Variants in FSTL4 observed in about 807,000 individuals in gnomAD.
FSTL4 encodes follistatin like 4.
In FSTL4, 28 loss-of-function variants were observed where a neutral mutation model predicts 78.2. The observed-to-expected ratio is 0.36, with a 90% CI of 0.27 to 0.49. The LOEUF (loss-of-function observed/expected upper bound fraction) is 0.49, where lower values mean the gene tolerates loss of function less well. FSTL4 is among the 20% of genes least tolerant of loss of function. The probability of loss-of-function intolerance (pLI) is 0.98; values close to 1 mark genes in which losing one functional copy is unlikely to be tolerated. For synonymous variants in FSTL4, 422 were observed against 440.5 expected (o/e 0.96, Z 0.53); for missense variants, 922 against 1,084.9 (o/e 0.85, Z 2.11).
In FSTL4 at chr5:133,246,173, A is replaced by G. The variant is rs79153925; in HGVS notation, c.894+3237T>C. Among the ~76,000 whole-genome samples the G allele has an allele frequency of 5.6e-3, 848 of 152,272 alleles. 9 individuals carry two copies. The highest frequency in any genetic ancestry group is 0.019 in the African/African-American group (810 of 41,562). ...CGTGCAGCCGTGTTTGGGAGTCACC[A>G]CTGATTACAATGCCGGTGATCGTAT... On this transcript the variant is annotated intron_variant, in intron 7 of 15. Transcript: ENST00000265342.
the FSTL4 span, among the ~76,000 whole-genome samples, chr5:133,663,557 A>G: frequency 5.3e-5 from 8 of 152,330 alleles, no homozygotes; most frequent in South Asian, 8.3e-4. Context: ...CCTCATCTAC[A>G]TTACTGACAG....
At chr5:133,296,929 G>A (rs917513017) in intron 6 of FSTL4, among the ~76,000 whole-genome samples, 2 of 152,178 alleles carry the variant, frequency 1.3e-5, no homozygotes, top group African/African-American at 2.4e-5. Context: ...CTGCAGGCCT[G>A]CCTTGGGGGC....
rs140519599 is a variant in FSTL4, at chr5:133,554,267, G to C, written c.160+12919C>G. Among the ~76,000 whole-genome samples, 788 of 152,272 alleles carry C rather than the reference G, an allele frequency of 5.2e-3. 11 individuals are homozygous for C. Among genetic ancestry groups the C allele is most frequent in the African/African-American group, 0.018 (744 of 41,552 alleles). ...TCCAGACAGAGAGCCTGGGGAGATG[G>C]GGGGGAGGTGCCTGGACCACAGTGG... On this transcript the variant is annotated intron_variant, in intron 3 of 15. Coordinates refer to ENST00000265342, the MANE Select transcript of FSTL4 (RefSeq NM_015082.2).
chr5:133,310,490 G>T (rs1753754306), intron 6 of FSTL4, among the ~76,000 whole-genome samples: 6 of 152,170 alleles, frequency 3.9e-5, no homozygotes. Context: ...ATAGGCAATA[G>T]GGATGCTTCC....
At chr5:133,554,422 A>G (rs1435491254) in intron 3 of FSTL4, among the ~76,000 whole-genome samples, 1 of 152,190 alleles carries the variant, frequency 6.6e-6, no homozygotes, top group Admixed American at 6.5e-5. Context: ...TCAGCAATGG[A>G]TGAGCATTGA....
At chr5:133,278,786 T>C (rs1276567783) in intron 6 of FSTL4, among the ~76,000 whole-genome samples, 1 of 152,238 alleles carries the variant, frequency 6.6e-6, no homozygotes, top group Non-Finnish European at 1.5e-5. Context: ...CTCACAGCTA[T>C]GCAGGGGCAT....
intron 13 of FSTL4, among the ~76,000 whole-genome samples, chr5:133,212,859 G>A (rs1468034496): frequency 1.3e-5 from 2 of 151,734 alleles, no homozygotes; most frequent in Non-Finnish European, 2.9e-5. Context: ...AGAAAAATCT[G>A]GAAAGTAGAG....
At chr5:133,243,496 C>T (rs530220522) in intron 7 of FSTL4, among the ~76,000 whole-genome samples, 4 of 152,344 alleles carry the variant, frequency 2.6e-5, no homozygotes, top group African/African-American at 7.2e-5. Context: ...CAATTTGATA[C>T]ATTCCACTGG....
Position 133,574,769 on chromosome 5 carries a change from T to A in FSTL4, c.127-7550A>T, listed in dbSNP as rs1051691846. 6 of 152,334 alleles carry A rather than the reference T, an allele frequency of 3.9e-5. No homozygotes were observed. The East Asian group carries it at 1.2e-3, about 29-fold the overall frequency. 9.4% of individuals were successfully genotyped at this position (152,334 alleles called of 1,614,324 possible). On this transcript the variant is annotated intron_variant, in intron 2 of 15. Coordinates refer to ENST00000265342, the MANE Select transcript of FSTL4 (RefSeq NM_015082.2). ...GCAAAAGAAAAAACTCTGCAACATG[T>A]GATAATGTAGCTGAATCTCATTGTC...
At chr5:133,693,761 G>A in the FSTL4 span, among the ~76,000 whole-genome samples, 1 of 152,208 alleles carries the variant, frequency 6.6e-6, no homozygotes, top group Non-Finnish European at 1.5e-5. Context: ...GGCTGCATCT[G>A]GTGTAAGTCT....
the FSTL4 span, among the ~76,000 whole-genome samples, chr5:133,637,356 C>A: frequency 6.6e-6 from 1 of 152,082 alleles, no homozygotes; most frequent in African/African-American, 2.4e-5. Flanking sequence ...GGCAAATTTT[C>A]AGTCCTCATC....
the FSTL4 span, among the ~76,000 whole-genome samples, chr5:133,651,106 T>C: frequency 1.3e-5 from 2 of 152,224 alleles, no homozygotes; most frequent in African/African-American, 4.8e-5. Context: ...TGTGATATAA[T>C]TGCATATTAG....
chr5:133,687,444 G>A, the FSTL4 span, among the ~76,000 whole-genome samples: 8 of 152,086 alleles, frequency 5.3e-5, no homozygotes, highest in Non-Finnish European at 1.2e-4. Context: ...TTTCAATCCC[G>A]CAAGAGGTGA....
At chr5:133,545,065 C>A (rs1759547648) in intron 3 of FSTL4, among the ~76,000 whole-genome samples, 1 of 152,076 alleles carries the variant, frequency 6.6e-6, no homozygotes, top group Admixed American at 6.6e-5. Context: ...TATATCACAC[C>A]CTTATATCAC....
chr5:133,415,834 G>C (rs906665024), intron 3 of FSTL4, among the ~76,000 whole-genome samples: 3 of 152,182 alleles, frequency 2.0e-5, no homozygotes, highest in Non-Finnish European at 4.4e-5. Flanking sequence ...TGGAAGAAGA[G>C]AATTACAAAT....
At chr5:133,483,241 G>A (rs1486841293) in intron 3 of FSTL4, among the ~76,000 whole-genome samples, 1 of 152,196 alleles carries the variant, frequency 6.6e-6, no homozygotes, top group Non-Finnish European at 1.5e-5. Flanking sequence ...GTGGAACTAA[G>A]AGTCCATTAA....
At chr5:133,783,804 A>G in the FSTL4 span, among the ~76,000 whole-genome samples, 1 of 152,112 alleles carries the variant, frequency 6.6e-6, no homozygotes, top group Non-Finnish European at 1.5e-5. Flanking sequence ...CTAAAAGAAA[A>G]TGAATCACCT....
intron 3 of FSTL4, among the ~76,000 whole-genome samples, chr5:133,412,335 A>C (rs563990524): frequency 8.9e-4 from 135 of 152,272 alleles, no homozygotes; most frequent in African/African-American, 3.2e-3. Context: ...GCAATAAAAT[A>C]GAAAACAGGA....
chr5:133,785,277 A>T, the FSTL4 span, among the ~76,000 whole-genome samples: 9 of 152,290 alleles, frequency 5.9e-5, no homozygotes, highest in Admixed American at 2.6e-4. Flanking sequence ...GCCTAAAACC[A>T]AGAGACCAAC....
Sources: gnomAD v4.1 joint callset for allele counts (sites outside exome capture counted in the v4.1 genomes callset) on GRCh38, gnomAD v4.1.1 for gene constraint, MANE v1.5 for transcripts, NCBI Gene and HGNC (gene_info 2026-07-23, HGNC 2026-07-21) for gene names.